POLR3A: variants seen among roughly 807,000 people sequenced by gnomAD.
POLR3A encodes RNA polymerase III subunit A, also known as DNA-directed RNA polymerase III subunit RPC1.
Under a neutral mutation model 152.8 loss-of-function variants are expected in POLR3A, and 112 were observed. The ratio of observed to expected loss-of-function variants is 0.73; its 90% CI spans 0.63 to 0.86. POLR3A has a LOEUF of 0.86. Among genes scored for constraint, POLR3A ranks in the 40% least tolerant of loss-of-function variants. The pLI is 0.00. For synonymous variants in POLR3A, 615 were observed against 652.1 expected (o/e 0.94, Z 0.87); for missense variants, 1,385 against 1,743.1 (o/e 0.79, Z 3.66).
At chr10:78,000,953 C>T (rs1589309910) in intron 18 of POLR3A, 23 bp downstream of exon 18, 1 of 1,184,186 alleles carries the variant, frequency 8.4e-7, no homozygotes, top group Non-Finnish European at 1.3e-6. Flanking sequence ...CTTCACAGTT[C>T]TACCTGATCT....
rs1335129204 is a variant in POLR3A, at chr10:77,977,385, G to A, written c.*93C>T. The A allele has an allele frequency of 3.7e-6, 5 of 1,365,108 alleles. No individual in the cohort carries two copies. Among genetic ancestry groups the A allele is most frequent in the Non-Finnish European group, 4.2e-6 (4 of 955,288 alleles). 84.6% of individuals were successfully genotyped at this position (1,365,108 alleles called of 1,614,324 possible). On this transcript the variant is annotated 3_prime_UTR_variant, in exon 31 of 31. Transcript: ENST00000372371. ...ATTGCTGGCATAGGTGGGGACCTCA[G>A]GACCCCCGTCCCAGGGAGCACAAAA...
chr10:77,986,605 C>A (rs530585166), intron 21 of POLR3A, among the ~76,000 whole-genome samples: 2 of 152,336 alleles, frequency 1.3e-5, no homozygotes, highest in East Asian at 3.9e-4. Context: ...CCAACTAAAG[C>A]ATAGCTTTGT....
At chr10:77,998,156 G>A (rs1482509697) in intron 19 of POLR3A, among the ~76,000 whole-genome samples, 1 of 152,140 alleles carries the variant, frequency 6.6e-6, no homozygotes, top group Non-Finnish European at 1.5e-5. Context: ...ATTAATTCAA[G>A]ATGGATTAAA....
At chr10:78,013,061 C>G (rs1392602052) in intron 11 of POLR3A, 3 of 167,464 alleles carry the variant, frequency 1.8e-5, no homozygotes, top group Admixed American at 1.7e-4. Flanking sequence ...TCCTTAAGAG[C>G]AGGCACGTGC....
chr10:78,006,328 C>T (rs543870322), intron 15 of POLR3A, among the ~76,000 whole-genome samples: 59 of 126,400 alleles, frequency 4.7e-4, no homozygotes, highest in African/African-American at 1.6e-3. Flanking sequence ...GCCTGGGAGG[C>T]GGAGGTTGCA....
At chr10:77,999,917 A>G (rs1314556744) in intron 19 of POLR3A, 64 bp downstream of exon 19, 4 of 1,518,202 alleles carry the variant, frequency 2.6e-6, no homozygotes, top group Non-Finnish European at 3.7e-6. Context: ...CGTGTACTCA[A>G]TAGTCAAAAC....
chr10:77,980,390 T>A, intron 29 of POLR3A, 117 bp from the exon 30 acceptor site: 1 of 950,276 alleles, frequency 1.1e-6, no homozygotes, highest in Non-Finnish European at 1.7e-6. Context: ...CAACGTCAGG[T>A]GTGAAAGGCC....
chr10:78,016,299 T>G (rs1343900256), intron 10 of POLR3A, among the ~76,000 whole-genome samples: 2 of 151,326 alleles, frequency 1.3e-5, no homozygotes, highest in African/African-American at 2.4e-5. Flanking sequence ...CTAGGCACAG[T>G]GGGTCATACC....
At chr10:77,980,506 GA>G (rs1589302051) in intron 29 of POLR3A, among the ~76,000 whole-genome samples, 1 of 151,802 alleles carries the variant, frequency 6.6e-6, no homozygotes, top group East Asian at 1.9e-4. Flanking sequence ...AAGAAGAATT[GA>G]GAACTAGAAT....
At chr10:78,016,872 C>CAAA (rs201996598) in intron 10 of POLR3A, among the ~76,000 whole-genome samples, 1 of 79,614 alleles carries the variant, frequency 1.3e-5, no homozygotes, top group Admixed American at 1.4e-4. Context: ...AGACTGTCTC[C>CAAA]AAAAAAAAAA....
At chr10:78,028,182 G>A (rs952287219) in intron 1 of POLR3A, among the ~76,000 whole-genome samples, 2 of 152,168 alleles carry the variant, frequency 1.3e-5, no homozygotes, top group Non-Finnish European at 2.9e-5. Context: ...CTCTCCTGTT[G>A]AAAATCCTTC....
At chr10:77,993,699 T>C (rs1847271091) in intron 19 of POLR3A, among the ~76,000 whole-genome samples, 1 of 152,186 alleles carries the variant, frequency 6.6e-6, no homozygotes, top group Non-Finnish European at 1.5e-5. Context: ...CTCCCTAAGG[T>C]ATAAATTAAT....
Position 78,000,125 on chromosome 10 carries a change from A to G in POLR3A, c.2479-7T>C. The G allele has an allele frequency of 6.2e-7, 1 of 1,614,082 alleles. No individual in the cohort carries two copies. The highest frequency in any genetic ancestry group is 8.5e-7 in the Non-Finnish European group (1 of 1,179,940). On this transcript the variant is annotated splice_polypyrimidine_tract_variant and splice_region_variant and intron_variant, in intron 18 of 30. Coordinates refer to ENST00000372371, the MANE Select transcript of POLR3A (RefSeq NM_007055.4). ...AGCCTTTGGCAGCTGGGAGCTAAAG[A>G]GAGGTAGAAAAAAGAAAAATCAAAC... is the stretch of plus-strand genomic sequence containing the variant.
intron 19 of POLR3A, among the ~76,000 whole-genome samples, chr10:77,999,433 T>C (rs1847334013): frequency 6.6e-6 from 1 of 152,162 alleles, no homozygotes; most frequent in Non-Finnish European, 1.5e-5. Context: ...AGGGTACTTT[T>C]GTGGTAAAGT....
At chr10:77,988,399 G>A (rs1847217307) in intron 21 of POLR3A, among the ~76,000 whole-genome samples, 1 of 152,034 alleles carries the variant, frequency 6.6e-6, no homozygotes, top group Non-Finnish European at 1.5e-5. Context: ...GCACGCACCT[G>A]TAGTCCCAGC....
At chr10:78,005,266 G>A (rs1847400143) in intron 15 of POLR3A, among the ~76,000 whole-genome samples, 1 of 152,218 alleles carries the variant, frequency 6.6e-6, no homozygotes, top group Non-Finnish European at 1.5e-5. Context: ...GAAGGCTGAG[G>A]CAGGAGGCTC....
intron 19 of POLR3A, among the ~76,000 whole-genome samples, chr10:77,995,707 T>A (rs1847293591): frequency 6.6e-6 from 1 of 152,042 alleles, no homozygotes; most frequent in South Asian, 2.1e-4. Flanking sequence ...CACACAATAA[T>A]AATGGGAGAC....
At chr10:78,023,442 T>A (rs111308480) in intron 5 of POLR3A, among the ~76,000 whole-genome samples, 12,813 of 146,832 alleles carry the variant, frequency 0.087, 1,725 homozygotes, top group African/African-American at 0.3. Context: ...CCTGGGTGAC[T>A]GAGCAACTCT....
At position 77,976,618 on chromosome 10, in the gene POLR3A, A is replaced by C. The variant is rs562837125; in HGVS notation, c.*860T>G. ...GAACTTAAAAAATCAACTAGAGATCATCCAAGGAACGTAAGTATAATTCTA... is the reference window on the plus strand; with the variant it reads ...GAACTTAAAAAATCAACTAGAGATCCTCCAAGGAACGTAAGTATAATTCTA... On this transcript the variant is annotated 3_prime_UTR_variant, in exon 31 of 31. Coordinates refer to ENST00000372371, the MANE Select transcript of POLR3A (RefSeq NM_007055.4). The C allele has an allele frequency of 7.2e-5, 11 of 152,360 alleles. No homozygotes were observed. The East Asian group carries it at 2.1e-3, about 29-fold the overall frequency. The allele number at this position is 152,360 out of a possible 1,614,324, so 9.4% of individuals were successfully genotyped here. A position where few individuals can be genotyped will look rare whatever the true frequency, so the allele number is the denominator to read the frequency against.
Sources: allele counts gnomAD v4.1 joint callset (sites outside exome capture counted in the v4.1 genomes callset), GRCh38; gene constraint gnomAD v4.1.1; transcripts MANE v1.5; gene names NCBI Gene and HGNC (gene_info 2026-07-23, HGNC 2026-07-21).